C2CD5: variants seen among roughly 807,000 people sequenced by gnomAD.
C2CD5 encodes the protein C2 domain-containing protein 5.
In C2CD5, 109 loss-of-function variants were observed where a neutral mutation model predicts 130.3. The ratio of observed to expected loss-of-function variants is 0.84; its 90% CI spans 0.72 to 0.98. C2CD5 has a LOEUF of 0.98. C2CD5 is among the 50% of genes least tolerant of loss of function. C2CD5 has a pLI of 0.00. For synonymous variants in C2CD5, 454 were observed against 429.2 expected (o/e 1.06, Z -0.71); for missense variants, 996 against 1,261.8 (o/e 0.79, Z 3.19).
intron 3 of C2CD5, among the ~76,000 whole-genome samples, chr12:22,531,217 A>C (rs1049266931): frequency 2.0e-4 from 30 of 152,194 alleles, no homozygotes; most frequent in African/African-American, 5.3e-4. Context: ...GACTCAATAC[A>C]TGTGCAACGG....
intron 10 of C2CD5, among the ~76,000 whole-genome samples, chr12:22,502,384 T>A (rs545917011): frequency 3.0e-4 from 45 of 152,118 alleles, no homozygotes; most frequent in African/African-American, 1.1e-3. Flanking sequence ...ATTACTTATA[T>A]TTAACAAATA....
intron 2 of C2CD5, among the ~76,000 whole-genome samples, chr12:22,538,312 C>A (rs1357663952): frequency 6.6e-6 from 1 of 152,162 alleles, no homozygotes; most frequent in Non-Finnish European, 1.5e-5. Flanking sequence ...AATTCAAGAG[C>A]TATTTTTAGT....
Position 22,544,293 on chromosome 12 carries a change from G to A in C2CD5, c.-30+27C>T, listed in dbSNP as rs544176077. On this transcript the variant is annotated intron_variant, in intron 1 of 26. Coordinates refer to ENST00000446597, the MANE Select transcript of C2CD5 (RefSeq NM_001286176.2). ...GCGCGGGGGCGCGCGCGGGCGCCCG[G>A]CAGTCGCGCCACGGGTCGCCACTCA... is the stretch of plus-strand genomic sequence containing the variant. 1,109 of 612,368 alleles carry A rather than the reference G, an allele frequency of 1.8e-3. 16 individuals carry two copies. The African/African-American group carries it at 0.02, about 11-fold the overall frequency. The allele number at this position is 612,368 out of a possible 1,614,324, so 37.9% of individuals were successfully genotyped here.
At chr12:22,535,178 TA>T in intron 3 of C2CD5, 79 bp downstream of exon 3, 2 of 781,034 alleles carry the variant, frequency 2.6e-6, no homozygotes, top group Admixed American at 2.2e-5. Context: ...ATGCCTGAAA[TA>T]AAAGGTTCTC....
chr12:22,470,888 G>A lies in C2CD5; in HGVS notation c.2382C>T (p.Ile794=). The part of the protein sequence containing the change: ...LIQVTVTAVA[I]TFDKNQALQT... Reference sequence around the variant, plus strand: ...GTAAAGCCTGATTTTTGTCAAAAGTGATTGCGACTGCCGTGACTGTAACCT... The same window carrying A: ...GTAAAGCCTGATTTTTGTCAAAAGTAATTGCGACTGCCGTGACTGTAACCT... The change falls in exon 21 of 27, where the codon ATC becomes ATT. Residue 794 remains isoleucine (I), a synonymous_variant. Coordinates refer to ENST00000446597, the MANE Select transcript of C2CD5 (RefSeq NM_001286176.2). The A allele has an allele frequency of 3.1e-6, 5 of 1,611,874 alleles. No individual in the cohort carries two copies. Among genetic ancestry groups the A allele is most frequent in the Non-Finnish European group, 4.2e-6 (5 of 1,178,282 alleles).
chr12:22,537,188 T>TTCGGA (rs1487094098), intron 2 of C2CD5, among the ~76,000 whole-genome samples: 13 of 152,140 alleles, frequency 8.5e-5, no homozygotes, highest in Admixed American at 8.5e-4. Flanking sequence ...TGTGCAACTG[T>TTCGGA]TCATTCTAAA....
Position 22,544,349 on chromosome 12 carries a change from C to T in C2CD5, c.-59G>A, listed in dbSNP as rs1293534728. On this transcript the variant is annotated 5_prime_UTR_variant, in exon 1 of 27. Transcript: ENST00000446597. ...GCAGGAGGAAGGGTGCTGTCCCGCG[C>T]GGGTGCTGAGACCTCATTCCGGAGA... The T allele has an allele frequency of 6.2e-6, 3 of 482,972 alleles. No individual in the cohort carries two copies. Among genetic ancestry groups the T allele is most frequent in the Non-Finnish European group, 1.1e-5 (3 of 275,950 alleles). 29.9% of individuals were successfully genotyped at this position (482,972 alleles called of 1,614,324 possible). A position where few individuals can be genotyped will look rare whatever the true frequency, so the allele number is the denominator to read the frequency against.
At position 22,470,825 on chromosome 12, in the gene C2CD5, T is replaced by A; in HGVS notation, c.2445A>T (p.Arg815Ser). Residue 815 changes from arginine to serine, a missense_variant and splice_region_variant, in exon 21 of 27, where the codon AGA (arginine) becomes AGT (serine). By Grantham distance (110) the Arg-to-Ser change is moderately radical. This residue lies in a region of C2CD5 where 590 missense variants were observed against 631.4 expected (regional missense o/e 0.93). Transcript: ENST00000446597. ...ACTTCCTATTCAGTAAAGATTTACCTCTTTGCAATGACTTTTCAACAGGGG... is the reference window on the plus strand; with the variant it reads ...ACTTCCTATTCAGTAAAGATTTACCACTTTGCAATGACTTTTCAACAGGGG... Reference protein sequence around the residue: ...TKTPVEKSLQRASTDNEELLQ... With the variant: ...TKTPVEKSLQSASTDNEELLQ... 1 of 1,596,384 alleles carries A rather than the reference T, an allele frequency of 6.3e-7. No homozygotes were observed. Among genetic ancestry groups the A allele is most frequent in the Non-Finnish European group, 8.6e-7 (1 of 1,164,846 alleles).
At chr12:22,452,945 A>T (rs1286025633) in intron 26 of C2CD5, among the ~76,000 whole-genome samples, 1 of 152,152 alleles carries the variant, frequency 6.6e-6, no homozygotes, top group Non-Finnish European at 1.5e-5. Flanking sequence ...ATGTCTTTTC[A>T]AACTGCTTAT....
Position 22,457,161 on chromosome 12 carries a change from G to A in C2CD5, c.2687C>T (p.Thr896Ile), listed in dbSNP as rs754568683. The change falls in exon 25 of 27, where the codon ACC becomes ATC. Residue 896 changes from threonine to isoleucine, a missense_variant and splice_region_variant. Thr to Ile is a moderately conservative substitution (Grantham distance 89, BLOSUM62 -1). Around this residue, in one of 9 missense-constraint regions of C2CD5, gnomAD observed 590 missense variants for 631.4 expected, o/e 0.93. Coordinates refer to ENST00000446597, the MANE Select transcript of C2CD5 (RefSeq NM_001286176.2). Reference sequence around the variant, plus strand: ...TGGACTTGCTTTTTCAACTGTCATGGCTAAAATTGGAGAAAAATGAGAAAA... The same window carrying A: ...TGGACTTGCTTTTTCAACTGTCATGACTAAAATTGGAGAAAAATGAGAAAA... ...QTIRRGSIKT[T>I]MTVEKASPVG... The A allele has an allele frequency of 6.8e-5, 108 of 1,591,066 alleles. No individual in the cohort carries two copies. Among genetic ancestry groups the A allele is most frequent in the Non-Finnish European group, 9.1e-5 (107 of 1,169,992 alleles).
rs7132097 is a variant in C2CD5 at position 22,490,334 on chromosome 12, C to A, written c.1263-116G>T. The A allele has an allele frequency of 0.094, 58,163 of 620,184 alleles. 6,082 individuals carry two copies. The highest frequency in any genetic ancestry group is 0.41 in the African/African-American group (22,309 of 54,182). The allele number at this position is 620,184 out of a possible 1,614,324, so 38.4% of individuals were successfully genotyped here. ...ATTTAAGTTCAAGTTAGACTCTACT[C>A]AATATTAAATAATATTTACGAGGTT... On this transcript the variant is annotated intron_variant, in intron 11 of 26. Coordinates refer to ENST00000446597, the MANE Select transcript of C2CD5 (RefSeq NM_001286176.2).
chr12:22,504,766 A>C (rs1249847340), intron 10 of C2CD5, among the ~76,000 whole-genome samples: 1 of 152,238 alleles, frequency 6.6e-6, no homozygotes, highest in East Asian at 1.9e-4. Flanking sequence ...GGGTGATGTC[A>C]GGTATTTTAA....
At chr12:22,500,897 T>C (rs1947691218) in intron 10 of C2CD5, among the ~76,000 whole-genome samples, 1 of 152,170 alleles carries the variant, frequency 6.6e-6, no homozygotes, top group African/African-American at 2.4e-5. Context: ...GGAAATACAG[T>C]GTAAATGAGC....
At chr12:22,478,057 G>C (rs1278972980) in intron 15 of C2CD5, 4 of 421,068 alleles carry the variant, frequency 9.5e-6, no homozygotes, top group Non-Finnish European at 1.8e-5. Flanking sequence ...ACAAAGATAA[G>C]AGCTATAGAA....
At chr12:22,478,920 G>A (rs1197539493) in intron 14 of C2CD5, among the ~76,000 whole-genome samples, 1 of 152,034 alleles carries the variant, frequency 6.6e-6, no homozygotes, top group Non-Finnish European at 1.5e-5. Context: ...TCAGCATCAG[G>A]GTATACATAG....
chr12:22,465,655 T>C (rs1941946181), intron 22 of C2CD5, among the ~76,000 whole-genome samples: 1 of 152,046 alleles, frequency 6.6e-6, no homozygotes, highest in Admixed American at 6.6e-5. Flanking sequence ...TTTTGCTCAT[T>C]CTTTTTTTCT....
intron 3 of C2CD5, among the ~76,000 whole-genome samples, chr12:22,532,474 G>GT: frequency 6.6e-6 from 1 of 152,042 alleles, no homozygotes; most frequent in East Asian, 1.9e-4. Context: ...GCTCCAAATG[G>GT]TAAGGCTGTC....
chr12:22,470,451 C>G (rs186978037), intron 21 of C2CD5, among the ~76,000 whole-genome samples: 1 of 152,158 alleles, frequency 6.6e-6, no homozygotes, highest in Admixed American at 6.5e-5. Context: ...GGAACTTGTC[C>G]TGAAAATAAT....
intron 11 of C2CD5, 51 bp downstream of exon 11, chr12:22,493,172 G>C: frequency 3.0e-6 from 3 of 1,006,498 alleles, no homozygotes; most frequent in Non-Finnish European, 4.6e-6. Context: ...TCCCCTTTCA[G>C]ATGGCAGTCT....
Sources: gnomAD v4.1 joint callset for allele counts (sites outside exome capture counted in the v4.1 genomes callset) on GRCh38, gnomAD v4.1.1 for gene constraint, gnomAD v4.1.1 regional missense constraint, MANE v1.5 for transcripts, NCBI Gene and HGNC (gene_info 2026-07-23, HGNC 2026-07-21) for gene names.